Variants in PPP3R1 observed in about 807,000 individuals in gnomAD.
PPP3R1 encodes protein phosphatase 3 regulatory subunit B, alpha, also known as calcineurin subunit B type 1.
Under a neutral mutation model 22.6 loss-of-function variants are expected in PPP3R1, and 5 were observed. That is an observed-to-expected ratio of 0.22 (90% confidence interval 0.12 to 0.46). The LOEUF is 0.46. Among genes scored for constraint, PPP3R1 ranks in the 20% least tolerant of loss-of-function variants. The probability of loss-of-function intolerance (pLI) is 0.99; values close to 1 mark genes in which losing one functional copy is unlikely to be tolerated. For missense variants in PPP3R1, 61 were observed against 203.2 expected (o/e 0.30, Z 4.25); for synonymous variants, 56 against 65.2 (o/e 0.86, Z 0.68).
chr2:68,195,655 C>T (rs1368022650), intron 2 of PPP3R1, among the ~76,000 whole-genome samples: 24 of 152,040 alleles, frequency 1.6e-4, no homozygotes, highest in Admixed American at 1.5e-3. Context: ...TTTCTTTTCC[C>T]GTCTTTCTTT....
chr2:68,239,254 C>G (rs760810755), intron 1 of PPP3R1, among the ~76,000 whole-genome samples: 1 of 152,168 alleles, frequency 6.6e-6, no homozygotes, highest in Non-Finnish European at 1.5e-5. Flanking sequence ...TTGAATTCAT[C>G]TACCACCACT....
intron 3 of PPP3R1, among the ~76,000 whole-genome samples, chr2:68,187,525 C>CA (rs1421527212): frequency 4.6e-5 from 7 of 152,032 alleles, no homozygotes; most frequent in Non-Finnish European, 1.0e-4. Flanking sequence ...TCTCTAAGGT[C>CA]AATCAATTTG....
chr2:68,232,441 CAAA>C (rs1280378712), intron 1 of PPP3R1, among the ~76,000 whole-genome samples: 1 of 129,680 alleles, frequency 7.7e-6, no homozygotes. Context: ...ACTCTTGTCT[CAAA>C]AAAAAAAAAT....
At position 68,185,658 on chromosome 2, in the gene PPP3R1, T is replaced by C. The variant is rs574237844; in HGVS notation, c.465+810A>G. Among the ~76,000 whole-genome samples, 3 of 152,150 alleles carry C rather than the reference T, an allele frequency of 2.0e-5. No homozygotes were observed. In the South Asian group the frequency reaches 6.2e-4, roughly 32 times the overall value. On this transcript the variant is annotated intron_variant, in intron 5 of 5. Coordinates refer to ENST00000234310, the MANE Select transcript of PPP3R1 (RefSeq NM_000945.4). ...ATGGCACAACCAGCCTGGTCTCATG[T>C]CACACTCCACCAAATGCCAGTTCAC...
chr2:68,243,259 A>T (rs1670167554), intron 1 of PPP3R1, among the ~76,000 whole-genome samples: 1 of 152,198 alleles, frequency 6.6e-6, no homozygotes, highest in African/African-American at 2.4e-5. Flanking sequence ...TATAAAATCC[A>T]AAGACAAACC....
At chr2:68,207,160 C>A in intron 2 of PPP3R1, among the ~76,000 whole-genome samples, 1 of 141,874 alleles carries the variant, frequency 7.0e-6, no homozygotes, top group Non-Finnish European at 1.5e-5. Context: ...AAAAAAGTGG[C>A]AGTTTTAATG....
chr2:68,188,270 A>G (rs573355047), intron 3 of PPP3R1, among the ~76,000 whole-genome samples: 15 of 152,184 alleles, frequency 9.9e-5, no homozygotes, highest in Non-Finnish European at 1.6e-4. Flanking sequence ...AAAAGAAAGG[A>G]AATACTGAGT....
intron 3 of PPP3R1, 56 bp from the exon 4 acceptor site, chr2:68,187,370 A>T: frequency 1.4e-6 from 2 of 1,416,816 alleles, no homozygotes; most frequent in Non-Finnish European, 9.8e-7. Flanking sequence ...TTACACAAAA[A>T]ACATATTTAC....
intron 2 of PPP3R1, among the ~76,000 whole-genome samples, chr2:68,206,994 G>T (rs969465617): frequency 6.6e-6 from 1 of 151,798 alleles, no homozygotes; most frequent in Non-Finnish European, 1.5e-5. Context: ...ACCTAAATAG[G>T]GAAGTATAAA....
Position 68,217,270 on chromosome 2 carries a change from T to C in PPP3R1, c.4-139A>G, listed in dbSNP as rs985212629. The C allele has an allele frequency of 1.3e-4, 69 of 531,382 alleles. No homozygotes were observed. In the East Asian group the frequency reaches 1.8e-3, roughly 14 times the overall value. The allele number at this position is 531,382 out of a possible 1,614,324, so 32.9% of individuals were successfully genotyped here. ...TATGACCACATATATAAATTACATT[T>C]ATATTTTTAAAAAATAAGAAAACAA... On this transcript the variant is annotated intron_variant, in intron 1 of 5. Transcript: ENST00000234310.
intron 1 of PPP3R1, among the ~76,000 whole-genome samples, chr2:68,242,341 G>T (rs1670152847): frequency 6.6e-6 from 1 of 151,908 alleles, no homozygotes. Context: ...CAGGGGAATT[G>T]CTTGAACCCA....
At chr2:68,223,870 G>A (rs1164010573) in intron 1 of PPP3R1, among the ~76,000 whole-genome samples, 1 of 149,278 alleles carries the variant, frequency 6.7e-6, no homozygotes, top group Non-Finnish European at 1.5e-5. Context: ...CGTTGCAGAT[G>A]ACATAATTGT....
chr2:68,181,278 A>C (rs1316356032), intron 5 of PPP3R1, among the ~76,000 whole-genome samples: 1 of 151,890 alleles, frequency 6.6e-6, no homozygotes, highest in African/African-American at 2.4e-5. Context: ...CTCTAGTCCC[A>C]GCTACTGGGC....
chr2:68,181,975 G>C (rs72832010), intron 5 of PPP3R1, among the ~76,000 whole-genome samples: 1 of 151,602 alleles, frequency 6.6e-6, no homozygotes, highest in Non-Finnish European at 1.5e-5. Flanking sequence ...AGAATGCATA[G>C]GTCATAAATG....
intron 1 of PPP3R1, among the ~76,000 whole-genome samples, chr2:68,232,742 G>C (rs1212720176): frequency 6.6e-6 from 1 of 151,986 alleles, no homozygotes; most frequent in Non-Finnish European, 1.5e-5. Context: ...GAGTAGCTGG[G>C]ATTACAGGCA....
At chr2:68,193,802 AC>A (rs1384881096) in intron 2 of PPP3R1, among the ~76,000 whole-genome samples, 2 of 152,124 alleles carry the variant, frequency 1.3e-5, no homozygotes, top group Non-Finnish European at 2.9e-5. Context: ...TCTTGTTAGC[AC>A]CATTAAATTT....
rs903293503 is a variant in PPP3R1, at chr2:68,179,073, G to A, written c.*1890C>T. On this transcript the variant is annotated 3_prime_UTR_variant, in exon 6 of 6. Coordinates refer to ENST00000234310, the MANE Select transcript of PPP3R1 (RefSeq NM_000945.4). ...GAAATAATGTTTACACTATTTTTCTGTAACGCCAGCCAAGATATGCACAAG... is the reference window on the plus strand; with the variant it reads ...GAAATAATGTTTACACTATTTTTCTATAACGCCAGCCAAGATATGCACAAG... The A allele has an allele frequency of 8.8e-5, 13 of 148,166 alleles. No homozygotes were observed. The East Asian group carries it at 1.6e-3, about 19-fold the overall frequency. 9.2% of individuals were successfully genotyped at this position (148,166 alleles called of 1,614,324 possible). A position where few individuals can be genotyped will look rare whatever the true frequency, so the allele number is the denominator to read the frequency against.
chr2:68,240,296 C>T (rs1431001007), intron 1 of PPP3R1, among the ~76,000 whole-genome samples: 1 of 152,168 alleles, frequency 6.6e-6, no homozygotes, highest in Non-Finnish European at 1.5e-5. Flanking sequence ...CTATTTTCTA[C>T]CTATAAATAC....
chr2:68,193,325 C>G (rs937020912), intron 2 of PPP3R1, among the ~76,000 whole-genome samples: 1 of 152,086 alleles, frequency 6.6e-6, no homozygotes, highest in African/African-American at 2.4e-5. Context: ...GAAGCCAGTG[C>G]AGCATGTATG....
Sources: allele counts gnomAD v4.1 joint callset (sites outside exome capture counted in the v4.1 genomes callset), GRCh38; gene constraint gnomAD v4.1.1; transcripts MANE v1.5; gene names NCBI Gene and HGNC (gene_info 2026-07-23, HGNC 2026-07-21).